PIGQ: variants seen among roughly 807,000 people sequenced by gnomAD.
PIGQ encodes phosphatidylinositol N-acetylglucosaminyltransferase subunit Q.
In PIGQ, 54 loss-of-function variants were observed where a neutral mutation model predicts 60.3. The observed-to-expected ratio is 0.90, with a 90% CI of 0.72 to 1.12. The LOEUF is 1.12. Among genes scored for constraint, PIGQ ranks in the 50% most tolerant of loss-of-function variants. The pLI is 0.00. For missense variants in PIGQ, 799 were observed against 793.5 expected (o/e 1.01, Z -0.08); for synonymous variants, 416 against 363.7 (o/e 1.14, Z -1.64).
chr16:571,321 A>T (rs2097540), intron 1 of PIGQ, among the ~76,000 whole-genome samples: 1 of 13,012 alleles, frequency 7.7e-5, no homozygotes, highest in African/African-American at 3.8e-4. Context: ...TAGCCTGGCA[A>T]CCATGGCTAG....
Position 575,945 on chromosome 16 carries a change from G to T in PIGQ, c.796G>T (p.Ala266Ser). Reference protein sequence around the residue: ...HLTLIFSTRKAENPAQLMRKA... With the variant: ...HLTLIFSTRKSENPAQLMRKA... ...CACGCTAATCTTCAGTACACGGAAG[G>T]CGGAGAACCCTGCCCAGCTGATGAG... is the stretch of plus-strand genomic sequence containing the variant. The change falls in exon 3 of 11, where the codon GCG becomes TCG. Residue 266 changes from alanine to serine, a missense_variant. By Grantham distance (99) the Ala-to-Ser change is moderately conservative. Transcript: ENST00000321878. 2 of 1,585,792 alleles carry T rather than the reference G, an allele frequency of 1.3e-6. No homozygotes were observed. The highest frequency in any genetic ancestry group is 2.3e-5 in the East Asian group (1 of 43,700).
intron 9 of PIGQ, chr16:581,445 C>T (rs1238722922): frequency 2.5e-6 from 2 of 810,992 alleles, no homozygotes; most frequent in Non-Finnish European, 3.1e-6. Context: ...CACCTGGCTT[C>T]TTTCAGTGGA....
chr16:576,154 C>G lies in PIGQ; in HGVS notation c.842C>G (p.Ser281Cys), dbSNP rs1004719821. The G allele has an allele frequency of 1.2e-5, 19 of 1,549,018 alleles. No individual in the cohort carries two copies. Among genetic ancestry groups the G allele is most frequent in the Non-Finnish European group, 1.6e-5 (18 of 1,146,890 alleles). ...QLMRKANTVA[S>C]VLLDVALGLM... is the part of the protein sequence containing the mutation. Reference sequence around the variant, plus strand: ...TCCAGGAAGGCCAACACGGTGGCCTCTGTGCTGCTGGACGTGGCCCTGGGC... The same window carrying G: ...TCCAGGAAGGCCAACACGGTGGCCTGTGTGCTGCTGGACGTGGCCCTGGGC... The change falls in exon 4 of 11, where the codon TCT (serine) becomes TGT (cysteine). Residue 281 changes from serine to cysteine, a missense_variant. Coordinates refer to ENST00000321878, the MANE Select transcript of PIGQ (RefSeq NM_004204.5).
At chr16:576,280 T>C in intron 4 of PIGQ, 26 bp downstream of exon 4, 1 of 1,549,252 alleles carries the variant, frequency 6.5e-7, no homozygotes, top group South Asian at 1.2e-5. Flanking sequence ...TGGAGCCCGG[T>C]GTCCCGGGTG....
intron 1 of PIGQ, chr16:572,557 T>C (rs71378518): frequency 0.027 from 12,019 of 448,642 alleles, 238 homozygotes; most frequent in Middle Eastern, 0.071. Context: ...CTCTGTTCCC[T>C]CGTCCCTAAG....
In PIGQ at chr16:583,895, C is replaced by T. The variant is rs1420451671; in HGVS notation, c.*860C>T. 1 of 547,546 alleles carries T rather than the reference C, an allele frequency of 1.8e-6. No homozygotes were observed. The highest frequency in any genetic ancestry group is 3.3e-6 in the Non-Finnish European group (1 of 299,920). 33.9% of individuals were successfully genotyped at this position (547,546 alleles called of 1,614,324 possible). A position where few individuals can be genotyped will look rare whatever the true frequency, so the allele number is the denominator to read the frequency against. On this transcript the variant is annotated 3_prime_UTR_variant, in exon 11 of 11. Transcript: ENST00000321878. Reference sequence around the variant, plus strand: ...TGGCACTGAGGCCGAAAGTGCCTGCCAGACGGCACGGTCTGGGTGCGGGTG... The same window carrying T: ...TGGCACTGAGGCCGAAAGTGCCTGCTAGACGGCACGGTCTGGGTGCGGGTG...
chr16:578,326 C>G, intron 4 of PIGQ, 53 bp from the exon 5 acceptor site: 1 of 1,569,086 alleles, frequency 6.4e-7, no homozygotes, highest in Non-Finnish European at 8.6e-7. Flanking sequence ...TGGGGAGATG[C>G]AGGTGCTGAG....
intron 4 of PIGQ, chr16:578,099 A>C: frequency 1.5e-5 from 5 of 341,714 alleles, no homozygotes; most frequent in East Asian, 6.1e-5. Context: ...GAGGGGAGGA[A>C]GATGGTAGAG....
chr16:574,396 G>A lies in PIGQ; in HGVS notation c.322G>A (p.Glu108Lys), dbSNP rs200388707. The change falls in exon 2 of 11, where the codon GAG (glutamate) becomes AAG (lysine). Residue 108 changes from glutamate (E) to lysine (K), a missense_variant. Coordinates refer to ENST00000321878, the MANE Select transcript of PIGQ (RefSeq NM_004204.5). ...GAGAGGCGGCACGTTCTGGAGCTGCGAGGCCACCCACCGGCAAGCGCCCAC... is the reference window on the plus strand; with the variant it reads ...GAGAGGCGGCACGTTCTGGAGCTGCAAGGCCACCCACCGGCAAGCGCCCAC... ...RERGGTFWSCEATHRQAPTAP... is the reference protein window; with the variant it reads ...RERGGTFWSCKATHRQAPTAP... 1,302 of 1,610,524 alleles carry A rather than the reference G, an allele frequency of 8.1e-4. 23 individuals are homozygous for A. In the South Asian group the frequency reaches 0.011, roughly 14 times the overall value.
Position 583,686 on chromosome 16 carries a change from C to A in PIGQ, c.*651C>A, listed in dbSNP as rs1420166741. 6.3e-7 allele frequency: 1 copy of A among 1,599,642 alleles called. No individual in the cohort carries two copies. The highest frequency in any genetic ancestry group is 2.2e-5 in the East Asian group (1 of 44,830). On this transcript the variant is annotated 3_prime_UTR_variant, in exon 11 of 11. Transcript: ENST00000321878. ...CGCCAGGCTGCTGTGGGGGCGGGAG[C>A]AGCCTCAGTGTCAAGGGCCCGCCCA...
intron 1 of PIGQ, among the ~76,000 whole-genome samples, chr16:572,194 A>C (rs1006471658): frequency 6.6e-6 from 1 of 152,342 alleles, no homozygotes; most frequent in East Asian, 1.9e-4. Context: ...TCACACAGCC[A>C]GACACGCTGG....
chr16:571,525 GCTAGCCTGGCGCC>G (rs2035627983), intron 1 of PIGQ, among the ~76,000 whole-genome samples: 1 of 76,072 alleles, frequency 1.3e-5, no homozygotes, highest in Non-Finnish European at 2.4e-5. Context: ...TGTGTGTCTG[GCTAGCCTGGCGCC>G]TGTGTGTGTG....
In PIGQ at chr16:570,048, A is replaced by C. The variant is rs2035595794; in HGVS notation, c.-58A>C. The C allele has an allele frequency of 6.7e-6, 1 of 149,738 alleles. No homozygotes were observed. Among genetic ancestry groups the C allele is most frequent in the Admixed American group, 6.6e-5 (1 of 15,058 alleles). 9.3% of individuals were successfully genotyped at this position (149,738 alleles called of 1,614,324 possible). A position where few individuals can be genotyped will look rare whatever the true frequency, so the allele number is the denominator to read the frequency against. ...CCCGGGCCCGCCCATCGGGGTCCCCAACCCCATCCGGACCCCGCCGCCCGA... is the reference window on the plus strand; with the variant it reads ...CCCGGGCCCGCCCATCGGGGTCCCCCACCCCATCCGGACCCCGCCGCCCGA... On this transcript the variant is annotated 5_prime_UTR_variant, in exon 1 of 11. Transcript: ENST00000321878.
At chr16:577,555 C>T (rs184264764) in intron 4 of PIGQ, among the ~76,000 whole-genome samples, 71 of 146,030 alleles carry the variant, frequency 4.9e-4, no homozygotes, top group Non-Finnish European at 8.6e-4. Context: ...CCAGCCTGGG[C>T]GACAAAACAA....
At chr16:575,225 G>C (rs2035698284) in intron 2 of PIGQ, among the ~76,000 whole-genome samples, 1 of 152,214 alleles carries the variant, frequency 6.6e-6, no homozygotes, top group African/African-American at 2.4e-5. Context: ...TGTGCCTGGG[G>C]GAGTGGTCTA....
Position 583,603 on chromosome 16 carries a change from T to C in PIGQ, c.*568T>C, listed in dbSNP as rs747490762. On this transcript the variant is annotated 3_prime_UTR_variant, in exon 11 of 11. Coordinates refer to ENST00000321878, the MANE Select transcript of PIGQ (RefSeq NM_004204.5). ...CTCCCTGAACCACACGGGGTTTATT[T>C]GCGGATGTTCCCTGGAGAGGTCGCT... 1 of 1,612,794 alleles carries C rather than the reference T, an allele frequency of 6.2e-7. No individual in the cohort carries two copies. Among genetic ancestry groups the C allele is most frequent in the Non-Finnish European group, 8.5e-7 (1 of 1,179,948 alleles).
intron 8 of PIGQ, chr16:580,515 G>T (rs1161986625): frequency 4.2e-5 from 23 of 549,922 alleles, no homozygotes; most frequent in Non-Finnish European, 7.2e-5. Flanking sequence ...GGCAGGTGGG[G>T]TCACGCAAGA....
chr16:583,771 T>G lies in PIGQ; in HGVS notation c.*736T>G. 1.0e-6 allele frequency: 1 copy of G among 961,680 alleles called. No individual in the cohort carries two copies. Among genetic ancestry groups the G allele is most frequent in the Non-Finnish European group, 1.6e-6 (1 of 614,496 alleles). 59.6% of individuals were successfully genotyped at this position (961,680 alleles called of 1,614,324 possible). Reference sequence around the variant, plus strand: ...CGTAGCAGCAGGTCCTGCGGCCAAATCTGTCTCCCTTCATGGGCCTCCCAG... The same window carrying G: ...CGTAGCAGCAGGTCCTGCGGCCAAAGCTGTCTCCCTTCATGGGCCTCCCAG... On this transcript the variant is annotated 3_prime_UTR_variant, in exon 11 of 11. Coordinates refer to ENST00000321878, the MANE Select transcript of PIGQ (RefSeq NM_004204.5).
In PIGQ at chr16:583,593, G is replaced by A. The variant is rs761531683; in HGVS notation, c.*558G>A. ...CGGGCCCTCACTCCCTGAACCACAC[G>A]GGGTTTATTTGCGGATGTTCCCTGG... On this transcript the variant is annotated 3_prime_UTR_variant, in exon 11 of 11. Coordinates refer to ENST00000321878, the MANE Select transcript of PIGQ (RefSeq NM_004204.5). The A allele has an allele frequency of 2.7e-5, 44 of 1,612,684 alleles. No individual in the cohort carries two copies. The highest frequency in any genetic ancestry group is 3.5e-5 in the Non-Finnish European group (41 of 1,179,952).
Sources: gnomAD v4.1 joint callset for allele counts (sites outside exome capture counted in the v4.1 genomes callset) on GRCh38, gnomAD v4.1.1 for gene constraint, MANE v1.5 for transcripts, NCBI Gene and HGNC (gene_info 2026-07-23, HGNC 2026-07-21) for gene names.